Variants in GLYATL1 observed in about 807,000 individuals in gnomAD.
GLYATL1 encodes the protein glycine N-acyltransferase-like protein 1.
GLYATL1 carries 15 observed loss-of-function variants against 20.0 expected under a neutral mutation model. That is an observed-to-expected ratio of 0.75 (90% CI 0.50 to 1.15). The LOEUF (loss-of-function observed/expected upper bound fraction) is 1.15. GLYATL1 is among the 50% of genes most tolerant of loss of function. The pLI is 0.00. For missense variants in GLYATL1, 380 were observed against 368.5 expected (o/e 1.03, Z -0.26); for synonymous variants, 151 against 131.5 (o/e 1.15, Z -1.01).
chr11:58,952,507 T>A (rs1338063320), intron 4 of GLYATL1, among the ~76,000 whole-genome samples: 1 of 152,256 alleles, frequency 6.6e-6, no homozygotes, highest in Non-Finnish European at 1.5e-5. Context: ...GTTTTTGGCT[T>A]ATGTAGAATT....
chr11:58,910,419 A>C (rs1299135681), downstream of GLYATL1, among the ~76,000 whole-genome samples: 1 of 152,206 alleles, frequency 6.6e-6, no homozygotes, highest in East Asian at 1.9e-4. Context: ...ATTTAAATTA[A>C]ACTTAACTAA....
chr11:58,919,742 G>A (rs1180500284), intron 1 of GLYATL1, among the ~76,000 whole-genome samples: 2 of 152,122 alleles, frequency 1.3e-5, no homozygotes, highest in African/African-American at 4.8e-5. Context: ...TGAATTCCCG[G>A]GGTTCGGGTA....
At chr11:58,931,917 C>T (rs1421840683) in intron 1 of GLYATL1, among the ~76,000 whole-genome samples, 2 of 151,966 alleles carry the variant, frequency 1.3e-5, no homozygotes, top group East Asian at 1.9e-4. Flanking sequence ...CCAGACCAGA[C>T]TGTCCAATAT....
At chr11:58,948,265 A>G (rs1275048323) in intron 4 of GLYATL1, among the ~76,000 whole-genome samples, 1 of 152,168 alleles carries the variant, frequency 6.6e-6, no homozygotes, top group African/African-American at 2.4e-5. Flanking sequence ...AAGGAGGCCA[A>G]TTTACAGGGA....
At chr11:58,911,475 A>G (rs545804726), downstream of GLYATL1, among the ~76,000 whole-genome samples, 11 of 152,356 alleles carry the variant, frequency 7.2e-5, no homozygotes, top group African/African-American at 2.6e-4. Flanking sequence ...GTTGTTTCAT[A>G]TACTTGTCAA....
chr11:58,925,444 CCTTA>C (rs1399809480), upstream of GLYATL1, among the ~76,000 whole-genome samples: 3 of 152,122 alleles, frequency 2.0e-5, no homozygotes, highest in Non-Finnish European at 2.9e-5. Flanking sequence ...TTGTAATCTT[CCTTA>C]CTAAGGGTGC....
chr11:58,947,551 G>A (rs562744), intron 3 of GLYATL1: 10 of 444,958 alleles, frequency 2.2e-5, no homozygotes, highest in East Asian at 7.5e-5. Flanking sequence ...AGCACCTACC[G>A]CTTAAAGTTG....
chr11:58,953,548 C>A (rs1857164158), intron 4 of GLYATL1, among the ~76,000 whole-genome samples: 1 of 151,708 alleles, frequency 6.6e-6, no homozygotes, highest in African/African-American at 2.4e-5. Context: ...TCTTGTTCTC[C>A]ATTTCATTAT....
Position 58,941,335 on chromosome 11 carries a change from C to G in GLYATL1, c.-167+1685C>G, listed in dbSNP as rs139551027. Among the ~76,000 whole-genome samples the G allele has an allele frequency of 2.2e-3, 336 of 151,838 alleles. 8 individuals are homozygous for G. In the South Asian group the frequency reaches 0.038, roughly 17 times the overall value. ...GATAGTTTACTGAGAATGATGATTT[C>G]TAGTTTCATCCATGTCCCTACAAAG... On this transcript the variant is annotated intron_variant, in intron 1 of 6. Coordinates refer to ENST00000532726, the MANE Select transcript of GLYATL1 (RefSeq NM_001389712.2).
At chr11:58,950,113 CAAAAAAAAAAAAAAAAA>C (rs56725794) in intron 4 of GLYATL1, among the ~76,000 whole-genome samples, 2 of 76,006 alleles carry the variant, frequency 2.6e-5, no homozygotes, top group African/African-American at 1.2e-4. Context: ...ACTAAAAATA[CAAAAAAAAAAAAAAAAA>C]AAAAAAAAAA....
At chr11:58,951,492 A>T (rs1440823929) in intron 4 of GLYATL1, among the ~76,000 whole-genome samples, 6 of 90,464 alleles carry the variant, frequency 6.6e-5, no homozygotes, top group Non-Finnish European at 1.1e-4. Context: ...TATAAACTTA[A>T]TAGCTATATG....
At chr11:58,948,018 G>A in intron 4 of GLYATL1, 53 bp downstream of exon 4, 2 of 1,162,850 alleles carry the variant, frequency 1.7e-6, no homozygotes, top group South Asian at 1.2e-5. Context: ...AGGGCCTGAG[G>A]AACTGACCAG....
In GLYATL1 at chr11:58,954,952, C is replaced by G. The variant is rs546362675; in HGVS notation, c.313+56C>G. 1.2e-4 allele frequency: 182 copies of G among 1,546,336 alleles called. No individual in the cohort carries two copies. The African/African-American group carries it at 1.8e-3, about 15-fold the overall frequency. ...TGTGCTTCTCAAATTGTGTCTTCAA[C>G]TAACAGCATTAGCATCACCTGAGGG... On this transcript the variant is annotated intron_variant, in intron 5 of 6. Coordinates refer to ENST00000532726, the MANE Select transcript of GLYATL1 (RefSeq NM_001389712.2).
intron 1 of GLYATL1, among the ~76,000 whole-genome samples, chr11:58,915,143 C>A (rs1372605671): frequency 6.6e-6 from 1 of 152,228 alleles, no homozygotes; most frequent in Non-Finnish European, 1.5e-5. Flanking sequence ...ATTCAAAATT[C>A]TTCTATTCTT....
intron 1 of GLYATL1, among the ~76,000 whole-genome samples, chr11:58,917,625 C>T (rs1274494796): frequency 6.6e-6 from 1 of 152,224 alleles, no homozygotes; most frequent in Non-Finnish European, 1.5e-5. Flanking sequence ...ATAACTTTTG[C>T]TATGGTGCCT....
rs1229125772 is a variant in GLYATL1 at position 58,919,185 on chromosome 11, G to A, written n.264+13524G>A. Among the ~76,000 whole-genome samples the A allele has an allele frequency of 3.9e-5, 6 of 152,210 alleles. No individual in the cohort carries two copies. In the East Asian group the frequency reaches 9.6e-4, roughly 24 times the overall value. ...TTTGGCATGGCCATACCTAAAGCCT[G>A]CATTTGCCTCCTTAAAATTAGTTCT... On this transcript the variant is annotated intron_variant and non_coding_transcript_variant, in intron 1 of 2. Coordinates refer to the GLYATL1 transcript ENST00000534674.
chr11:58,906,345 C>G (rs564571160), intron 1 of GLYATL1, among the ~76,000 whole-genome samples: 1 of 152,290 alleles, frequency 6.6e-6, no homozygotes, highest in South Asian at 2.1e-4. Context: ...TCGTTTGACC[C>G]TGGTGGATCC....
downstream of GLYATL1, among the ~76,000 whole-genome samples, chr11:58,913,594 C>A (rs1250667107): frequency 6.6e-6 from 1 of 152,094 alleles, no homozygotes; most frequent in Non-Finnish European, 1.5e-5. Context: ...CCAGTTAATA[C>A]AGTGATATTC....
intron 1 of GLYATL1, chr11:58,928,306 C>T (rs1374921954): frequency 6.6e-6 from 1 of 152,178 alleles, no homozygotes; most frequent in Non-Finnish European, 1.5e-5. Flanking sequence ...GAGTGGGCAC[C>T]AATGACTTAC....
Sources: gnomAD v4.1 joint callset for allele counts (sites outside exome capture counted in the v4.1 genomes callset) on GRCh38, gnomAD v4.1.1 for gene constraint, MANE v1.5 for transcripts, NCBI Gene and HGNC (gene_info 2026-07-23, HGNC 2026-07-21) for gene names.